The following ADGRA3 variants were observed in gnomAD, a reference collection of about 807,000 sequenced individuals.
ADGRA3 encodes G-protein coupled receptor 125.
Under a neutral mutation model 119.8 loss-of-function variants are expected in ADGRA3, and 56 were observed. The observed-to-expected ratio is 0.47, with a 90% confidence interval of 0.38 to 0.58. The LOEUF is 0.58. ADGRA3 is among the 20% of genes least tolerant of loss of function. The pLI is 0.00. For synonymous variants in ADGRA3, 607 were observed against 623.8 expected, an observed-to-expected ratio of 0.97 and a Z score of 0.40; for missense variants, 1,516 against 1,649.0, an observed-to-expected ratio of 0.92 and a Z score of 1.40.
At chr4:22,469,343 C>T (rs536612927) in intron 2 of ADGRA3, among the ~76,000 whole-genome samples, 68 of 152,316 alleles carry the variant, frequency 4.5e-4, no homozygotes, top group African/African-American at 1.6e-3. Context: ...TTACATGAGG[C>T]AGAGAGTGTA....
At chr4:22,455,560 A>G (rs1560326396) in intron 3 of ADGRA3, among the ~76,000 whole-genome samples, 1 of 151,776 alleles carries the variant, frequency 6.6e-6, no homozygotes, top group Non-Finnish European at 1.5e-5. Context: ...TTTTGCAATC[A>G]CTCCTCATTT....
intron 11 of ADGRA3, among the ~76,000 whole-genome samples, chr4:22,423,018 T>C (rs1016208882): frequency 6.6e-6 from 1 of 151,770 alleles, no homozygotes; most frequent in African/African-American, 2.4e-5. Flanking sequence ...CAACGTAATG[T>C]AACCCCGTCT....
intron 14 of ADGRA3, among the ~76,000 whole-genome samples, chr4:22,410,505 A>G (rs190143362): frequency 3.9e-5 from 6 of 152,276 alleles, no homozygotes; most frequent in Admixed American, 2.6e-4. Context: ...TAAAAATTCA[A>G]AACTCTTAAA....
chr4:22,388,989 C>G, intron 18 of ADGRA3, 42 bp from the exon 19 acceptor site: 1 of 1,604,518 alleles, frequency 6.2e-7, no homozygotes, highest in Non-Finnish European at 8.5e-7. Context: ...CTACATGTTT[C>G]AACAAATTAT....
At chr4:22,398,991 T>A (rs902641847) in intron 16 of ADGRA3, among the ~76,000 whole-genome samples, 1 of 152,176 alleles carries the variant, frequency 6.6e-6, no homozygotes, top group Non-Finnish European at 1.5e-5. Context: ...CCACCAACTA[T>A]GTAAAAGGAT....
At chr4:22,471,382 G>A (rs949299253) in intron 2 of ADGRA3, among the ~76,000 whole-genome samples, 2 of 152,128 alleles carry the variant, frequency 1.3e-5, no homozygotes, top group Non-Finnish European at 2.9e-5. Flanking sequence ...ATACCTGAGT[G>A]ATGAAATAAT....
At chr4:22,404,440 T>A (rs184550709) in intron 14 of ADGRA3, among the ~76,000 whole-genome samples, 1 of 152,220 alleles carries the variant, frequency 6.6e-6, no homozygotes, top group African/African-American at 2.4e-5. Context: ...GAACAGTTAA[T>A]GACAAAAACC....
intron 3 of ADGRA3, among the ~76,000 whole-genome samples, chr4:22,458,565 T>C (rs548921727): frequency 2.6e-5 from 4 of 152,328 alleles, no homozygotes; most frequent in African/African-American, 9.6e-5. Flanking sequence ...TTGCTCACAG[T>C]TGGGCTCACA....
rs139439473 is a variant in ADGRA3, at chr4:22,399,157, C to T, written c.2481+2274G>A. On this transcript the variant is annotated intron_variant, in intron 16 of 18. Coordinates refer to ENST00000334304, the MANE Select transcript of ADGRA3 (RefSeq NM_145290.4). ...CACACATGTGCTGAACCCGTGTGTT[C>T]GCTCTTCTACGACATGCTCATCCAT... 1.1e-3 allele frequency among the ~76,000 whole-genome samples: 173 copies of T among 152,260 alleles called. 2 individuals carry two copies. Among genetic ancestry groups the T allele is most frequent in the African/African-American group, 3.7e-3 (153 of 41,566 alleles).
chr4:22,486,902 T>C lies in ADGRA3; in HGVS notation c.258-13059A>G, dbSNP rs545980032. On this transcript the variant is annotated intron_variant, in intron 1 of 18. Transcript: ENST00000334304. Reference sequence around the variant, plus strand: ...AATACAAGGCTTGTGTAAATATATATGAGAATGTGTGGTGAAGCACTTAAA... The same window carrying C: ...AATACAAGGCTTGTGTAAATATATACGAGAATGTGTGGTGAAGCACTTAAA... Among the ~76,000 whole-genome samples the C allele has an allele frequency of 7.9e-5, 12 of 152,314 alleles. No individual in the cohort carries two copies. In the East Asian group the frequency reaches 1.9e-3, roughly 25 times the overall value.
chr4:22,447,034 A>C, intron 5 of ADGRA3, among the ~76,000 whole-genome samples: 1 of 3,198 alleles, frequency 3.1e-4, no homozygotes, highest in South Asian at 0.015. Context: ...GTTTGATTTT[A>C]AGTGGGGGGG....
At chr4:22,475,462 G>A (rs1016864629) in intron 1 of ADGRA3, among the ~76,000 whole-genome samples, 1 of 152,154 alleles carries the variant, frequency 6.6e-6, no homozygotes, top group Non-Finnish European at 1.5e-5. Context: ...GCCGGGGGCG[G>A]CGGCTCACGG....
intron 1 of ADGRA3, among the ~76,000 whole-genome samples, chr4:22,499,534 A>G (rs1718977595): frequency 6.6e-6 from 1 of 152,210 alleles, no homozygotes; most frequent in African/African-American, 2.4e-5. Flanking sequence ...TAGTAACAGC[A>G]TGACATGTAG....
chr4:22,421,519 A>G (rs1715679212), intron 11 of ADGRA3, among the ~76,000 whole-genome samples: 1 of 152,236 alleles, frequency 6.6e-6, no homozygotes, highest in Non-Finnish European at 1.5e-5. Flanking sequence ...TGCACTCGAC[A>G]CATCTGGCCA....
At chr4:22,398,024 A>G (rs1714440063) in intron 16 of ADGRA3, 2 of 970,340 alleles carry the variant, frequency 2.1e-6, no homozygotes, top group Non-Finnish European at 2.5e-6. Context: ...GACATGAAGA[A>G]GAGGAGAAAG....
intron 14 of ADGRA3, among the ~76,000 whole-genome samples, chr4:22,410,894 C>T (rs571169316): frequency 1.3e-5 from 2 of 152,028 alleles, no homozygotes; most frequent in African/African-American, 4.8e-5. Flanking sequence ...GAAAAAAAAT[C>T]TTAGTACTAC....
intron 10 of ADGRA3, among the ~76,000 whole-genome samples, chr4:22,425,905 G>A (rs775139494): frequency 1.6e-4 from 24 of 152,254 alleles, no homozygotes; most frequent in Middle Eastern, 6.8e-3. Flanking sequence ...ATGAGAACAG[G>A]ACTTCAAATG....
In ADGRA3 at chr4:22,403,952, C is replaced by T. The variant is rs142830263; in HGVS notation, c.2233-1153G>A. Among the ~76,000 whole-genome samples the T allele has an allele frequency of 2.0e-5, 3 of 152,208 alleles. 1 individual carries two copies. The highest frequency in any genetic ancestry group is 4.4e-5 in the Non-Finnish European group (3 of 68,006). ...GATTAGATTCAAAGGAGCTTGGCTG[C>T]CAAGTCCTTGCTCCCAAAAACAATG... On this transcript the variant is annotated intron_variant, in intron 14 of 18. Coordinates refer to ENST00000334304, the MANE Select transcript of ADGRA3 (RefSeq NM_145290.4).
chr4:22,430,767 G>C (rs1716130864), intron 10 of ADGRA3, among the ~76,000 whole-genome samples: 1 of 152,002 alleles, frequency 6.6e-6, no homozygotes. Context: ...AATGTCTCCA[G>C]GGCATGTCAG....
Sources: allele counts gnomAD v4.1 joint callset (sites outside exome capture counted in the v4.1 genomes callset), GRCh38; gene constraint gnomAD v4.1.1; transcripts MANE v1.5; gene names NCBI Gene and HGNC (gene_info 2026-07-23, HGNC 2026-07-21).